Variants in AFF2 observed in about 807,000 individuals in gnomAD.
The protein encoded by AFF2 is ALF transcription elongation factor 2, also known as AF4/FMR2 family member 2.
In AFF2, 14 loss-of-function variants were observed where a neutral mutation model predicts 76.9. That is an observed-to-expected ratio of 0.18 (90% CI 0.12 to 0.28). The LOEUF is 0.28. Ranked by LOEUF, AFF2 falls within the 10% of genes least tolerant of loss-of-function variation. The pLI is 1.00. For missense variants in AFF2, 868 were observed against 1,001.1 expected (o/e 0.87, Z 1.79); for synonymous variants, 398 against 366.7 (o/e 1.09, Z -0.98).
At chrX:148,585,615 G>A (rs782188525) in intron 1 of AFF2, among the ~76,000 whole-genome samples, 148 of 110,331 alleles carry the variant, frequency 1.3e-3, no homozygotes, top group Non-Finnish European at 1.4e-3. Context: ...CGAGGCGGGC[G>A]GATCACGAGG....
intron 4 of AFF2, among the ~76,000 whole-genome samples, chrX:148,836,944 A>G (rs1557273863): frequency 1.8e-5 from 2 of 112,184 alleles, no homozygotes; most frequent in African/African-American, 6.5e-5. Flanking sequence ...AACCTTCTCT[A>G]TGAATGAGAA....
rs146499408 is a variant in AFF2 at position 148,796,491 on chromosome X, T to G, written c.1042-13385T>G. Among the ~76,000 whole-genome samples, 630 of 112,389 alleles carry G rather than the reference T, an allele frequency of 5.6e-3. 4 individuals carry two copies. The highest frequency in any genetic ancestry group is 0.018 in the African/African-American group (563 of 30,978). On this transcript the variant is annotated intron_variant, in intron 3 of 20. Coordinates refer to ENST00000370460, the MANE Select transcript of AFF2 (RefSeq NM_002025.4). ...AGAAACCACTAGAAATAATCTCCAT[T>G]GGAAACCGGGCTTCGACTTTCTGCC...
chrX:148,581,192 C>CGT (rs2053372420), intron 1 of AFF2, among the ~76,000 whole-genome samples: 2 of 66,120 alleles, frequency 3.0e-5, no homozygotes, highest in Admixed American at 2.3e-4. Context: ...CACACATATA[C>CGT]ATATACGTAT....
At chrX:148,565,059 G>C (rs1043327587) in intron 1 of AFF2, among the ~76,000 whole-genome samples, 2 of 111,772 alleles carry the variant, frequency 1.8e-5, no homozygotes, top group Non-Finnish European at 3.8e-5. Flanking sequence ...AGAGTATGAT[G>C]CTTGTTATCA....
intron 3 of AFF2, among the ~76,000 whole-genome samples, chrX:148,664,169 C>G (rs1353371111): frequency 2.7e-5 from 3 of 111,548 alleles, no homozygotes; most frequent in Non-Finnish European, 5.6e-5. Flanking sequence ...CAGATCTGAC[C>G]ATGTCACTCC....
chrX:148,529,509 T>G (rs782445229), intron 1 of AFF2, among the ~76,000 whole-genome samples: 2 of 112,742 alleles, frequency 1.8e-5, no homozygotes, highest in South Asian at 7.3e-4. Context: ...CCTAGTCATT[T>G]GTTTGTTTAA....
chrX:148,638,023 T>G (rs1557254102), intron 1 of AFF2, among the ~76,000 whole-genome samples: 1 of 110,862 alleles, frequency 9.0e-6, no homozygotes, highest in African/African-American at 3.3e-5. Context: ...CGGAGGTCTT[T>G]CCACCACATG....
chrX:148,558,505 G>A (rs376537427), intron 1 of AFF2, among the ~76,000 whole-genome samples: 1 of 111,495 alleles, frequency 9.0e-6, no homozygotes, highest in Non-Finnish European at 1.9e-5. Context: ...CTGTCACTGA[G>A]CTGGGTTCCC....
intron 7 of AFF2, among the ~76,000 whole-genome samples, chrX:148,878,840 T>C (rs782203328): frequency 8.6e-4 from 97 of 112,561 alleles, no homozygotes; most frequent in Non-Finnish European, 1.5e-3. Flanking sequence ...AACATTTTCT[T>C]GAAAGCCATC....
intron 1 of AFF2, among the ~76,000 whole-genome samples, chrX:148,561,298 A>G (rs2053110220): frequency 8.9e-6 from 1 of 112,060 alleles, no homozygotes; most frequent in African/African-American, 3.2e-5. Context: ...TTGGGAAATC[A>G]AAGTCTCCTG....
intron 20 of AFF2, among the ~76,000 whole-genome samples, chrX:148,987,953 A>G (rs1806794848): frequency 8.9e-6 from 1 of 111,970 alleles, no homozygotes. Flanking sequence ...TTCAACCTTC[A>G]ATATAATTAT....
intron 3 of AFF2, among the ~76,000 whole-genome samples, chrX:148,678,513 C>A (rs12387868): frequency 0.047 from 5,212 of 111,318 alleles, 318 homozygotes; most frequent in African/African-American, 0.16. Flanking sequence ...GCCAGCCAGT[C>A]CAATTGGCTT....
intron 5 of AFF2, among the ~76,000 whole-genome samples, chrX:148,838,229 C>T (rs1557274010): frequency 8.9e-6 from 1 of 112,281 alleles, no homozygotes. Context: ...TTTACCTTCT[C>T]TCAGCAAGAG....
At chrX:148,970,850 T>TA (rs1557289438) in intron 15 of AFF2, among the ~76,000 whole-genome samples, 1 of 112,063 alleles carries the variant, frequency 8.9e-6, no homozygotes, top group African/African-American at 3.2e-5. Context: ...CAAAGAGTTC[T>TA]AAAGCAAAAA....
intron 3 of AFF2, among the ~76,000 whole-genome samples, chrX:148,784,513 A>G (rs1557269333): frequency 5.4e-5 from 6 of 111,722 alleles, no homozygotes. Flanking sequence ...CTGTGTTGGC[A>G]AAACCCCAGG....
At position 148,834,096 on chromosome X, in the gene AFF2, G is replaced by A. The variant is rs182955690; in HGVS notation, c.1087-3551G>A. Among the ~76,000 whole-genome samples, 317 of 112,428 alleles carry A rather than the reference G, an allele frequency of 2.8e-3. 1 individual carries two copies. Among genetic ancestry groups the A allele is most frequent in the Non-Finnish European group, 4.8e-3 (255 of 53,260 alleles). On this transcript the variant is annotated intron_variant, in intron 4 of 20. Coordinates refer to ENST00000370460, the MANE Select transcript of AFF2 (RefSeq NM_002025.4). ...GGAAAATTGAGCCTTTTGTGATTTTGTGGGGTTTGACTTTGGAGTCTTCAT... is the reference window on the plus strand; with the variant it reads ...GGAAAATTGAGCCTTTTGTGATTTTATGGGGTTTGACTTTGGAGTCTTCAT...
chrX:148,776,911 T>C (rs1603298994), intron 3 of AFF2, among the ~76,000 whole-genome samples: 1 of 112,413 alleles, frequency 8.9e-6, no homozygotes, highest in East Asian at 2.8e-4. Flanking sequence ...TTTGGTGTTT[T>C]AGTCATAAAG....
chrX:148,696,137 A>T (rs185323718), intron 3 of AFF2, among the ~76,000 whole-genome samples: 49 of 111,793 alleles, frequency 4.4e-4, no homozygotes, highest in African/African-American at 1.3e-3. Flanking sequence ...TCCAGAGAAC[A>T]TCCACATTAT....
At chrX:148,974,955 CATT>C (rs2072303438) in intron 16 of AFF2, among the ~76,000 whole-genome samples, 1 of 112,142 alleles carries the variant, frequency 8.9e-6, no homozygotes, top group African/African-American at 3.2e-5. Context: ...TGAAGGGAAA[CATT>C]AGTGAACAAA....
Sources: gnomAD v4.1 joint callset for allele counts (sites outside exome capture counted in the v4.1 genomes callset) on GRCh38, gnomAD v4.1.1 for gene constraint, MANE v1.5 for transcripts, NCBI Gene and HGNC (gene_info 2026-07-23, HGNC 2026-07-21) for gene names.